GRIP1: variants seen among roughly 807,000 people sequenced by gnomAD.
GRIP1 encodes glutamate receptor-interacting protein 1.
Under a neutral mutation model 129.9 loss-of-function variants are expected in GRIP1, and 45 were observed. The ratio of observed to expected loss-of-function variants is 0.35; its 90% CI spans 0.27 to 0.44. The LOEUF (loss-of-function observed/expected upper bound fraction) is 0.44. Ranked by LOEUF, GRIP1 falls within the 20% of genes least tolerant of loss-of-function variation. The pLI, the probability that GRIP1 is intolerant of heterozygous loss-of-function variation, is 1.00. For synonymous variants in GRIP1, 530 were observed against 520.8 expected (o/e 1.02, Z -0.24); for missense variants, 1,196 against 1,396.8 (o/e 0.86, Z 2.29).
intron 2 of GRIP1, among the ~76,000 whole-genome samples, chr12:66,560,541 A>G (rs776838870): frequency 3.9e-5 from 6 of 152,156 alleles, no homozygotes; most frequent in Non-Finnish European, 8.8e-5. Context: ...TCTCAAAAAA[A>G]AAGAGAGACA....
At chr12:66,358,159 T>A (rs2054581900) in intron 23 of GRIP1, among the ~76,000 whole-genome samples, 1 of 152,240 alleles carries the variant, frequency 6.6e-6, no homozygotes, top group African/African-American at 2.4e-5. Context: ...CTTCCAAAAG[T>A]GCTGGGATTA....
In GRIP1 at chr12:67,044,308, G is replaced by T. The variant is rs142247541; in HGVS notation, c.58+24742C>A. On this transcript the variant is annotated intron_variant, in intron 1 of 1. Coordinates refer to the GRIP1 transcript ENST00000643019. ...TTCCCCTAAATTTAATATGCGAATT[G>T]CTCCCAACTTGAGAGAACTAGGATT... 3.7e-3 allele frequency among the ~76,000 whole-genome samples: 556 copies of T among 152,234 alleles called. 3 individuals carry two copies. Among genetic ancestry groups the T allele is most frequent in the African/African-American group, 0.013 (526 of 41,524 alleles).
intron 1 of GRIP1, among the ~76,000 whole-genome samples, chr12:67,040,336 C>T (rs1211462082): frequency 1.3e-5 from 2 of 152,086 alleles, no homozygotes; most frequent in African/African-American, 4.8e-5. Context: ...CAAACTCAGA[C>T]ACAAGGTGCA....
At chr12:66,383,299 A>AAACAACAACAACAACAACAACAAC in intron 19 of GRIP1, among the ~76,000 whole-genome samples, 1 of 141,316 alleles carries the variant, frequency 7.1e-6, no homozygotes, top group Non-Finnish European at 1.5e-5. Context: ...TCTGTCTCAA[A>AAACAACAACAACAACAACAACAAC]AACAACAACA....
chr12:66,943,403 A>C (rs1401259931), intron 1 of GRIP1, among the ~76,000 whole-genome samples: 1 of 152,336 alleles, frequency 6.6e-6, no homozygotes, highest in African/African-American at 2.4e-5. Flanking sequence ...GAGTGATGTG[A>C]GCAACTACAG....
At chr12:66,569,022 A>T in intron 2 of GRIP1, 1 of 434,914 alleles carries the variant, frequency 2.3e-6, no homozygotes, top group African/African-American at 2.0e-5. Context: ...TCTCAGCATT[A>T]TTCTGGTCTT....
chr12:66,646,521 G>A (rs187571989), intron 1 of GRIP1, among the ~76,000 whole-genome samples: 2 of 152,314 alleles, frequency 1.3e-5, no homozygotes, highest in East Asian at 3.9e-4. Flanking sequence ...TGACTTGGGA[G>A]GCTGAAGCAG....
At chr12:66,929,337 C>A (rs955938849) in intron 1 of GRIP1, among the ~76,000 whole-genome samples, 1 of 152,166 alleles carries the variant, frequency 6.6e-6, no homozygotes, top group South Asian at 2.1e-4. Context: ...ACTGGGGAAT[C>A]CCCCAACTCC....
chr12:66,878,511 G>A (rs2040420085), intron 1 of GRIP1, among the ~76,000 whole-genome samples: 1 of 152,054 alleles, frequency 6.6e-6, no homozygotes, highest in Admixed American at 6.6e-5. Context: ...TTAGGGTGGA[G>A]AAGGGAGACT....
chr12:66,950,306 C>A (rs935928575), intron 1 of GRIP1, among the ~76,000 whole-genome samples: 1 of 152,110 alleles, frequency 6.6e-6, no homozygotes, highest in Non-Finnish European at 1.5e-5. Context: ...TTTATACTAA[C>A]GTACAATTTA....
chr12:66,898,112 T>C (rs981612986), intron 1 of GRIP1, among the ~76,000 whole-genome samples: 1 of 152,132 alleles, frequency 6.6e-6, no homozygotes, highest in African/African-American at 2.4e-5. Context: ...ATCTACAAAG[T>C]GGAGGAATTT....
At chr12:67,037,907 T>G (rs1048023206) in intron 1 of GRIP1, among the ~76,000 whole-genome samples, 2 of 152,210 alleles carry the variant, frequency 1.3e-5, no homozygotes, top group Non-Finnish European at 1.5e-5. Flanking sequence ...TTTAAAAAAC[T>G]TTTAATCCCA....
chr12:67,067,645 A>G (rs200584037), intron 1 of GRIP1, among the ~76,000 whole-genome samples: 1 of 152,218 alleles, frequency 6.6e-6, no homozygotes, highest in Non-Finnish European at 1.5e-5. Flanking sequence ...GAATTCCCTG[A>G]GTCATTAAAC....
At chr12:66,857,618 G>A (rs2040030522) in intron 1 of GRIP1, among the ~76,000 whole-genome samples, 1 of 151,738 alleles carries the variant, frequency 6.6e-6, no homozygotes, top group African/African-American at 2.4e-5. Context: ...GAAGAGTGGA[G>A]GCATAAGTTA....
At chr12:67,039,856 T>C (rs1374498693) in intron 1 of GRIP1, among the ~76,000 whole-genome samples, 3 of 152,220 alleles carry the variant, frequency 2.0e-5, no homozygotes, top group Admixed American at 6.5e-5. Context: ...TCCTATTGTG[T>C]CAAATGGTCT....
intron 1 of GRIP1, among the ~76,000 whole-genome samples, chr12:66,925,125 ATAAG>A (rs753053541): frequency 1.2e-4 from 19 of 152,208 alleles, no homozygotes; most frequent in Non-Finnish European, 2.4e-4. Flanking sequence ...GGAAGAGAGT[ATAAG>A]TAAGTAATTC....
intron 1 of GRIP1, among the ~76,000 whole-genome samples, chr12:66,876,948 T>C (rs139797984): frequency 0.012 from 1,875 of 152,196 alleles, 43 homozygotes; most frequent in African/African-American, 0.043. Flanking sequence ...CTTTTGTACA[T>C]GTAAACCCCA....
At chr12:66,490,137 C>T (rs1001635688) in intron 7 of GRIP1, among the ~76,000 whole-genome samples, 3 of 151,498 alleles carry the variant, frequency 2.0e-5, no homozygotes, top group Admixed American at 6.6e-5. Flanking sequence ...ATTTTTTAAT[C>T]TGTATGGAAC....
intron 1 of GRIP1, among the ~76,000 whole-genome samples, chr12:66,917,557 T>C (rs892070469): frequency 3.3e-5 from 5 of 152,242 alleles, no homozygotes; most frequent in Non-Finnish European, 7.3e-5. Flanking sequence ...CATTAATTGA[T>C]AAACACAAGG....
Sources: allele counts gnomAD v4.1 joint callset (sites outside exome capture counted in the v4.1 genomes callset), GRCh38; gene constraint gnomAD v4.1.1; transcripts MANE v1.5; gene names NCBI Gene and HGNC (gene_info 2026-07-23, HGNC 2026-07-21).